The following NEU4 variants were observed in gnomAD, a reference collection of about 807,000 sequenced individuals.
The protein encoded by NEU4 is neuraminidase 4, also known as sialidase-4.
A neutral mutation model predicts 9.9 loss-of-function variants in NEU4; 7 were observed. That is an observed-to-expected ratio of 0.71 (90% confidence interval 0.40 to 1.33). The LOEUF (loss-of-function observed/expected upper bound fraction) is 1.33, where lower values mean the gene tolerates loss of function less well. Among genes scored for constraint, NEU4 ranks in the 40% most tolerant of loss-of-function variants. NEU4 has a pLI of 0.01. For missense variants in NEU4, 717 were observed against 712.6 expected (o/e 1.01, Z -0.07); for synonymous variants, 348 against 316.9 (o/e 1.10, Z -1.04).
rs751544247 is a variant in NEU4, at chr2:241,814,693, AG to A, written c.201+9del. On this transcript the variant is annotated intron_variant, in intron 2 of 3. Transcript: ENST00000407683. ...GCCGGGGGCTCCGTGCGGGTGAGTG[AG>A]TGGCCGGGGGCTCTGTGTGGGTGTA... 4.5e-6 allele frequency: 7 copies of A among 1,541,622 alleles called. No homozygotes were observed. The Admixed American group carries it at 5.9e-5, about 13-fold the overall frequency.
chr2:241,816,538 AC>A lies in NEU4; in HGVS notation c.950del (p.Pro317GlnfsTer6). 6.2e-7 allele frequency: 1 copy of A among 1,611,800 alleles called. No homozygotes were observed. Among genetic ancestry groups the A allele is most frequent in the East Asian group, 2.2e-5 (1 of 44,850 alleles). On this transcript the variant is annotated frameshift_variant, in exon 4 of 4. Coordinates refer to ENST00000407683, the MANE Select transcript of NEU4 (RefSeq NM_001167600.3). LOFTEE classifies it low-confidence loss of function (END_TRUNC). The stretch of plus-strand genomic sequence containing the variant: ...CACTCCTCGGTCCTGGAGTCCACGA[AC>A]CCCCAGAGGAGGCTGCTGTAGACCC... ...PPLLGPGVHE[P>X]PEEAAVDPRG...
At position 241,815,166 on chromosome 2, in the gene NEU4, G is replaced by T; in HGVS notation, c.457+19G>T. 6.6e-7 allele frequency: 1 copy of T among 1,516,288 alleles called. No homozygotes were observed. The highest frequency in any genetic ancestry group is 8.8e-7 in the Non-Finnish European group (1 of 1,134,766). 93.9% of individuals were successfully genotyped at this position (1,516,288 alleles called of 1,614,324 possible). ...GTGCAGGGTAGGCGGGCAGGGTGCC[G>T]GTCTGGGTCCCTTTGATTGGCCACG... On this transcript the variant is annotated intron_variant, in intron 3 of 3. Transcript: ENST00000407683.
intron 1 of NEU4, among the ~76,000 whole-genome samples, chr2:241,812,747 T>C (rs1363246262): frequency 2.7e-5 from 4 of 148,020 alleles, no homozygotes; most frequent in Admixed American, 2.7e-4. Context: ...GGGCCTCAGT[T>C]TCCCCTCTGT....
rs749242725 is a variant in NEU4, at chr2:241,816,522, G to A, written c.929G>A (p.Gly310Asp). The change falls in exon 4 of 4, where the codon GGT becomes GAT. Residue 310 changes from glycine (G) to aspartate (D), a missense_variant. Transcript: ENST00000407683. Reference sequence around the variant, plus strand: ...AGTCCCCTCCAGCCTCCACTCCTCGGTCCTGGAGTCCACGAACCCCCAGAG... The same window carrying A: ...AGTCCCCTCCAGCCTCCACTCCTCGATCCTGGAGTCCACGAACCCCCAGAG... ...PGSPLQPPLL[G>D]PGVHEPPEEA... 9 of 1,611,682 alleles carry A rather than the reference G, an allele frequency of 5.6e-6. No individual in the cohort carries two copies. In the South Asian group the frequency reaches 9.9e-5, roughly 18 times the overall value.
Position 241,816,629 on chromosome 2 carries a change from C to T in NEU4, c.1036C>T (p.Gln346Ter). Residue 346 changes from glutamine to a stop codon, truncating the protein, a stop_gained, in exon 4 of 4, where the codon CAG becomes TAG. Coordinates refer to ENST00000407683, the MANE Select transcript of NEU4 (RefSeq NM_001167600.3). LOFTEE classifies it low-confidence loss of function (END_TRUNC). ...GCAGCCTCGGGGGGATGGCCCCAGG[C>T]AGCCTGGCCCCAGGCCTGGGGTCAG... ...RLQPRGDGPRQPGPRPGVSGD... is the reference protein window; with the variant it reads ...RLQPRGDGPR The T allele has an allele frequency of 6.4e-7, 1 of 1,558,054 alleles. No individual in the cohort carries two copies. Among genetic ancestry groups the T allele is most frequent in the South Asian group, 1.2e-5 (1 of 82,250 alleles).
intron 1 of NEU4, chr2:241,811,265 G>C: frequency 7.9e-7 from 1 of 1,262,160 alleles, no homozygotes; most frequent in Non-Finnish European, 1.0e-6. Flanking sequence ...GTGGCTCCTG[G>C]GTGCCCATCT....
Position 241,816,084 on chromosome 2 carries a change from G to C in NEU4, c.491G>C (p.Gly164Ala). Residue 164 changes from glycine (G) to alanine (A), a missense_variant, in exon 4 of 4, where the codon GGT (glycine) becomes GCT (alanine). Gly to Ala is a moderately conservative substitution (Grantham distance 60). Coordinates refer to ENST00000407683, the MANE Select transcript of NEU4 (RefSeq NM_001167600.3). ...WATFAVGPGH[G>A]VQLPSGRLLV... ...ACATTCGCTGTGGGTCCCGGCCACG[G>C]TGTGCAGCTGCCCTCAGGCCGCCTG... 1 of 1,609,786 alleles carries C rather than the reference G, an allele frequency of 6.2e-7. No individual in the cohort carries two copies. Among genetic ancestry groups the C allele is most frequent in the Non-Finnish European group, 8.5e-7 (1 of 1,178,774 alleles).
chr2:241,814,215 TC>T, intron 1 of NEU4: 1 of 646,586 alleles, frequency 1.5e-6, no homozygotes. Context: ...GAGGGTCAGC[TC>T]CCAGAGCCGT....
intron 1 of NEU4, chr2:241,811,761 G>A (rs937967860): frequency 2.2e-5 from 8 of 361,350 alleles, no homozygotes; most frequent in East Asian, 4.0e-5. Flanking sequence ...CAGGGCATGG[G>A]ATGGAGACAG....
chr2:241,812,168 C>T (rs1225613290), intron 1 of NEU4, among the ~76,000 whole-genome samples: 3 of 148,198 alleles, frequency 2.0e-5, no homozygotes, highest in East Asian at 2.0e-4. Flanking sequence ...GCTCTTGGGG[C>T]ACCCACACAG....
chr2:241,816,013 C>A, intron 3 of NEU4, 38 bp from the exon 4 acceptor site: 1 of 1,533,942 alleles, frequency 6.5e-7, no homozygotes, highest in South Asian at 1.2e-5. Context: ...ACCTCGGGGA[C>A]CCAGCAGCCC....
chr2:241,809,212 A>G lies in NEU4; in HGVS notation c.-66A>G, dbSNP rs1239383426. The stretch of plus-strand genomic sequence containing the variant: ...AGCTTCACAGTCACCGAAGAAATGA[A>G]GTTACAGGAGGGGCACACCGTCCTT... On this transcript the variant is annotated 5_prime_UTR_variant, in exon 1 of 4. Transcript: ENST00000407683. The G allele has an allele frequency of 7.8e-7, 1 of 1,288,498 alleles. No homozygotes were observed. Among genetic ancestry groups the G allele is most frequent in the Non-Finnish European group, 1.0e-6 (1 of 988,418 alleles). 79.8% of individuals were successfully genotyped at this position (1,288,498 alleles called of 1,614,324 possible).
chr2:241,814,664 G>A lies in NEU4; in HGVS notation c.180G>A (p.Thr60=), dbSNP rs1268356575. Residue 60 remains threonine (T), a synonymous_variant, in exon 2 of 4, where the codon ACG becomes ACA. Coordinates refer to ENST00000407683, the MANE Select transcript of NEU4 (RefSeq NM_001167600.3). The stretch of plus-strand genomic sequence containing the variant: ...ACCGCCTGGTGCTGAGGAGGGGCAC[G>A]CTGGCCGGGGGCTCCGTGCGGGTGA... ...HAHRLVLRRG[T]LAGGSVRWGA... 4.5e-6 allele frequency: 7 copies of A among 1,561,650 alleles called. No homozygotes were observed. The highest frequency in any genetic ancestry group is 2.3e-5 in the South Asian group (2 of 85,872).
intron 1 of NEU4, chr2:241,814,056 C>T: frequency 2.2e-6 from 1 of 456,656 alleles, no homozygotes; most frequent in Non-Finnish European, 4.5e-6. Context: ...CTGAGCTCCT[C>T]CTTGCTCGAG....
intron 1 of NEU4, chr2:241,813,235 C>T (rs956108042): frequency 1.2e-5 from 9 of 755,528 alleles, no homozygotes; most frequent in South Asian, 1.0e-4. Context: ...CCGCCTGACC[C>T]GTGGGTGTGC....
chr2:241,815,016 C>T lies in NEU4; in HGVS notation c.326C>T (p.Thr109Met), dbSNP rs571264361. Residue 109 changes from threonine (T) to methionine (M), a missense_variant, in exon 3 of 4, where the codon ACG becomes ATG. By Grantham distance (81) the Thr-to-Met change is moderately conservative (BLOSUM62 -1). Transcript: ENST00000407683. ...TTCTTCATCGCGGTGCTGGGCCACA[C>T]GCCTGAGGCCGTGCAGATCGCCACG... ...FLFFIAVLGH[T>M]PEAVQIATGR... The T allele has an allele frequency of 2.1e-5, 34 of 1,603,768 alleles. No individual in the cohort carries two copies. Among genetic ancestry groups the T allele is most frequent in the East Asian group, 2.2e-5 (1 of 44,754 alleles).
chr2:241,814,727 G>C, intron 2 of NEU4, 42 bp downstream of exon 2: 1 of 1,519,246 alleles, frequency 6.6e-7, no homozygotes, highest in Non-Finnish European at 8.8e-7. Flanking sequence ...GTAGTGGCCG[G>C]ATCTGCTGGG....
intron 1 of NEU4, among the ~76,000 whole-genome samples, chr2:241,809,530 C>T (rs954296636): frequency 7.9e-5 from 12 of 152,168 alleles, no homozygotes; most frequent in Non-Finnish European, 1.2e-4. Flanking sequence ...CTCACGAAGA[C>T]GGTTAAGGAA....
chr2:241,812,481 G>GT (rs769091097), intron 1 of NEU4, among the ~76,000 whole-genome samples: 306 of 23,746 alleles, frequency 0.013, 1 homozygote, highest in African/African-American at 0.017. Flanking sequence ...AGACAGAGGG[G>GT]CCTGCCGAGG....
Sources: gnomAD v4.1 joint callset for allele counts (sites outside exome capture counted in the v4.1 genomes callset) on GRCh38, gnomAD v4.1.1 for gene constraint, MANE v1.5 for transcripts, NCBI Gene and HGNC (gene_info 2026-07-23, HGNC 2026-07-21) for gene names.